MIA2: variants seen among roughly 807,000 people sequenced by gnomAD.
The protein encoded by MIA2 is MIA SH3 domain ER export factor 2.
Under a neutral mutation model 167.8 loss-of-function variants are expected in MIA2, and 127 were observed. That is an observed-to-expected ratio of 0.76 (90% CI 0.66 to 0.88). The LOEUF (loss-of-function observed/expected upper bound fraction) is 0.88. Among genes scored for constraint, MIA2 ranks in the 40% least tolerant of loss-of-function variants. The probability of loss-of-function intolerance (pLI) is 0.00; values close to 1 mark genes in which losing one functional copy is unlikely to be tolerated. For synonymous variants in MIA2, 552 were observed against 541.9 expected (o/e 1.02, Z -0.26); for missense variants, 1,690 against 1,624.7 (o/e 1.04, Z -0.69).
rs556166758 is a variant in MIA2, at chr14:39,319,297, C to CTT, written c.3367+16_3367+17dup. The CTT allele has an allele frequency of 6.5e-5, 80 of 1,236,586 alleles. No individual in the cohort carries two copies. Among genetic ancestry groups the CTT allele is most frequent in the South Asian group, 1.8e-4 (10 of 55,560 alleles). 76.6% of individuals were successfully genotyped at this position (1,236,586 alleles called of 1,614,324 possible). Reference sequence around the variant, plus strand: ...AAATACAGCATTTGGCAGAGGTAGTCTTTTTTTTTTTACCCCTCATTTAAA... The same window carrying CTT: ...AAATACAGCATTTGGCAGAGGTAGTCTTTTTTTTTTTTTACCCCTCATTTAAA... On this transcript the variant is annotated splice_region_variant and intron_variant, in intron 23 of 28. Coordinates refer to ENST00000640607, the MANE Select transcript of MIA2 (RefSeq NM_001329214.4).
At chr14:39,370,653 C>T (rs1011673950) in intron 23 of MIA2, 2 of 301,616 alleles carry the variant, frequency 6.6e-6, no homozygotes, top group Non-Finnish European at 1.3e-5. Context: ...CCGAGTCTGT[C>T]GCACGTGCTG....
At chr14:39,236,686 G>A (rs1442912254) in intron 1 of MIA2, among the ~76,000 whole-genome samples, 1 of 152,076 alleles carries the variant, frequency 6.6e-6, no homozygotes, top group Non-Finnish European at 1.5e-5. Context: ...ATAGGAAGAG[G>A]TCCTTTCAAA....
rs2061078949 is a variant in MIA2, at chr14:39,294,021, A to G, written c.2341A>G (p.Ile781Val). Reference sequence around the variant, plus strand: ...CTAGATGGCGGATATTTCAAAAAGGATACAGTCTCTAGAAGATGAGTCAAA... The same window carrying G: ...CTAGATGGCGGATATTTCAAAAAGGGTACAGTCTCTAGAAGATGAGTCAAA... The part of the protein sequence containing the change: ...DELMADISKR[I>V]QSLEDESKSL... The change falls in exon 12 of 29, where the codon ATA becomes GTA. Residue 781 changes from isoleucine to valine, a missense_variant. Ile to Val is a conservative substitution (Grantham distance 29, BLOSUM62 3). Transcript: ENST00000640607. The G allele has an allele frequency of 2.5e-6, 4 of 1,612,038 alleles. No homozygotes were observed. Among genetic ancestry groups the G allele is most frequent in the South Asian group, 2.2e-5 (2 of 90,842 alleles).
At chr14:39,351,386 AAAAAC>A (rs1052294270), downstream of MIA2, 5 of 151,444 alleles carry the variant, frequency 3.3e-5, no homozygotes, top group Non-Finnish European at 7.4e-5. Context: ...CTCAAAAAAA[AAAAAC>A]AAAAAACAAA....
At chr14:39,353,870 C>T (rs112293395), downstream of MIA2, among the ~76,000 whole-genome samples, 1 of 152,188 alleles carries the variant, frequency 6.6e-6, no homozygotes, top group Non-Finnish European at 1.5e-5. Flanking sequence ...CAGCTTCATC[C>T]ATGTCCCTAC....
At chr14:39,295,970 C>A (rs1046160690) in intron 13 of MIA2, among the ~76,000 whole-genome samples, 1 of 152,060 alleles carries the variant, frequency 6.6e-6, no homozygotes, top group African/African-American at 2.4e-5. Context: ...TCTAGAGATA[C>A]AGATATCTTA....
rs2054652163 is a variant in MIA2 at position 39,253,135 on chromosome 14, T to C, written c.1851T>C (p.Asn617=). 2 of 1,608,686 alleles carry C rather than the reference T, an allele frequency of 1.2e-6. No homozygotes were observed. The highest frequency in any genetic ancestry group is 4.5e-5 in the East Asian group (2 of 44,744). Residue 617 remains asparagine (N), a synonymous_variant, in exon 6 of 29, where the codon AAT becomes AAC. Coordinates refer to ENST00000640607, the MANE Select transcript of MIA2 (RefSeq NM_001329214.4). The part of the protein sequence containing the change: ...LFQIDVYDFM[N]SAFSPIVILT... ...AAATTGATGTTTATGATTTCATGAA[T>C]TCTGCATTTTCACCAATTGTAATTC...
At chr14:39,383,705 T>C (rs1345163453) in intron 23 of MIA2, among the ~76,000 whole-genome samples, 1 of 152,230 alleles carries the variant, frequency 6.6e-6, no homozygotes, top group African/African-American at 2.4e-5. Flanking sequence ...AACACATGAA[T>C]GATAAGAAAG....
intron 19 of MIA2, among the ~76,000 whole-genome samples, chr14:39,314,249 T>C (rs2064908403): frequency 6.6e-6 from 1 of 152,014 alleles, no homozygotes; most frequent in African/African-American, 2.4e-5. Flanking sequence ...TAGTTGGTCG[T>C]GGTGGTAGGT....
At chr14:39,276,529 A>C (rs2058029033) in intron 6 of MIA2, 1 of 154,664 alleles carries the variant, frequency 6.5e-6, no homozygotes, top group Non-Finnish European at 1.4e-5. Context: ...CAAACTTTTT[A>C]TTTTTAAAGC....
intron 9 of MIA2, among the ~76,000 whole-genome samples, chr14:39,281,880 C>T (rs1422430914): frequency 6.6e-6 from 1 of 152,130 alleles, no homozygotes; most frequent in African/African-American, 2.4e-5. Context: ...CTTGGCCTCC[C>T]AAAGTGCTAG....
intron 6 of MIA2, chr14:39,253,408 T>C (rs2054663512): frequency 3.6e-6 from 2 of 557,230 alleles, no homozygotes; most frequent in Non-Finnish European, 6.1e-6. Context: ...TGTTTGCTTT[T>C]TACTCCACCC....
chr14:39,319,153 T>C (rs2065972535), intron 22 of MIA2, 56 bp from the exon 23 acceptor site: 1 of 997,468 alleles, frequency 1.0e-6, no homozygotes, highest in East Asian at 2.5e-5. Flanking sequence ...AGGCATTTTT[T>C]CTTGTGGTGC....
chr14:39,244,358 A>G (rs749302130), intron 3 of MIA2, among the ~76,000 whole-genome samples: 1 of 152,178 alleles, frequency 6.6e-6, no homozygotes, highest in East Asian at 1.9e-4. Context: ...TGATGCCTTC[A>G]TTTCAGGGGT....
chr14:39,373,128 A>T (rs2074980504), intron 23 of MIA2, among the ~76,000 whole-genome samples: 1 of 152,174 alleles, frequency 6.6e-6, no homozygotes, highest in Non-Finnish European at 1.5e-5. Context: ...ATGTACCCTA[A>T]ATACGTACAT....
At chr14:39,368,231 TCAGA>T (rs1237749792) in intron 23 of MIA2, among the ~76,000 whole-genome samples, 3 of 152,148 alleles carry the variant, frequency 2.0e-5, no homozygotes, top group Non-Finnish European at 4.4e-5. Context: ...GAGAGGACCT[TCAGA>T]CAGTGATTCA....
At chr14:39,335,608 A>C (rs1042753481) in intron 25 of MIA2, among the ~76,000 whole-genome samples, 3 of 152,190 alleles carry the variant, frequency 2.0e-5, no homozygotes, top group African/African-American at 7.2e-5. Flanking sequence ...ATATTTTAAT[A>C]ATGTTATCTT....
chr14:39,241,173 TG>T (rs1478676727), intron 3 of MIA2, among the ~76,000 whole-genome samples: 6 of 152,222 alleles, frequency 3.9e-5, no homozygotes, highest in Non-Finnish European at 5.9e-5. Context: ...CATCCTCTTT[TG>T]CTGTTGGAGT....
chr14:39,235,947 T>C (rs1056083450), intron 1 of MIA2, among the ~76,000 whole-genome samples: 3 of 152,222 alleles, frequency 2.0e-5, no homozygotes, highest in Non-Finnish European at 4.4e-5. Context: ...TATCTTATTT[T>C]ACATATGTTT....
Sources: gnomAD v4.1 joint callset for allele counts (sites outside exome capture counted in the v4.1 genomes callset) on GRCh38, gnomAD v4.1.1 for gene constraint, MANE v1.5 for transcripts, NCBI Gene and HGNC (gene_info 2026-07-23, HGNC 2026-07-21) for gene names.